Variants in UNC13C observed in about 807,000 individuals in gnomAD.
UNC13C encodes the protein unc-13 homolog C, also known as protein unc-13 homolog C.
In UNC13C, 174 loss-of-function variants were observed where a neutral mutation model predicts 245.4. The ratio of observed to expected loss-of-function variants is 0.71; its 90% CI spans 0.63 to 0.80. The LOEUF (loss-of-function observed/expected upper bound fraction) is 0.80. Ranked by LOEUF, UNC13C falls within the 30% of genes least tolerant of loss-of-function variation. The pLI, the probability that UNC13C is intolerant of heterozygous loss-of-function variation, is 0.00. For missense variants in UNC13C, 2,829 were observed against 2,602.9 expected (o/e 1.09, Z -1.89); for synonymous variants, 992 against 895.1 (o/e 1.11, Z -1.93).
At chr15:53,935,646 T>A in the UNC13C span, among the ~76,000 whole-genome samples, 7 of 152,138 alleles carry the variant, frequency 4.6e-5, no homozygotes, top group African/African-American at 1.7e-4. Flanking sequence ...ACTGACTAGG[T>A]GGGCGACTCA....
intron 4 of UNC13C, among the ~76,000 whole-genome samples, chr15:54,170,311 TA>T (rs1252489350): frequency 6.6e-6 from 1 of 151,912 alleles, no homozygotes; most frequent in Non-Finnish European, 1.5e-5. Context: ...TACAGGGCAG[TA>T]AGGGGAAAAA....
chr15:54,257,939 G>T (rs750578182), intron 8 of UNC13C, among the ~76,000 whole-genome samples: 5 of 152,056 alleles, frequency 3.3e-5, no homozygotes, highest in Non-Finnish European at 7.4e-5. Context: ...TTTCATGGGG[G>T]CAAAAAGCAG....
intron 18 of UNC13C, among the ~76,000 whole-genome samples, chr15:54,413,028 A>C (rs1324032218): frequency 6.6e-6 from 1 of 152,174 alleles, no homozygotes; most frequent in Non-Finnish European, 1.5e-5. Flanking sequence ...TATTGAGATG[A>C]TCATAAAATT....
intron 2 of UNC13C, among the ~76,000 whole-genome samples, chr15:54,062,217 G>A (rs550986220): frequency 1.3e-5 from 2 of 151,964 alleles, no homozygotes; most frequent in South Asian, 4.2e-4. Context: ...TACTCGGGAG[G>A]CTAAGGCAGG....
intron 2 of UNC13C, among the ~76,000 whole-genome samples, chr15:54,017,563 T>A (rs1186882586): frequency 6.6e-6 from 1 of 152,054 alleles, no homozygotes; most frequent in Non-Finnish European, 1.5e-5. Flanking sequence ...TTAATGGCAG[T>A]TGGTTAATGT....
chr15:54,064,240 C>A (rs987857162), intron 2 of UNC13C, among the ~76,000 whole-genome samples: 1 of 152,174 alleles, frequency 6.6e-6, no homozygotes, highest in Non-Finnish European at 1.5e-5. Context: ...ACAGAGAGAT[C>A]TATGGCTCCA....
chr15:54,077,058 G>T (rs1389317211), intron 2 of UNC13C, among the ~76,000 whole-genome samples: 1 of 152,152 alleles, frequency 6.6e-6, no homozygotes, highest in Non-Finnish European at 1.5e-5. Context: ...TGGTTAAACT[G>T]AGTCTTGGGT....
At chr15:53,878,686 A>G in the UNC13C span, among the ~76,000 whole-genome samples, 2 of 152,210 alleles carry the variant, frequency 1.3e-5, no homozygotes, top group Admixed American at 1.3e-4. Context: ...CCTTAAAAAA[A>G]AAGAAAAAGA....
intron 2 of UNC13C, chr15:54,050,623 C>A (rs1397616336): frequency 6.8e-6 from 3 of 439,398 alleles, no homozygotes; most frequent in Non-Finnish European, 1.3e-5. Context: ...AATTTATCAT[C>A]AGAACTTATG....
At chr15:54,207,073 A>C (rs1054174878) in intron 4 of UNC13C, among the ~76,000 whole-genome samples, 2 of 152,020 alleles carry the variant, frequency 1.3e-5, no homozygotes, top group Non-Finnish European at 2.9e-5. Flanking sequence ...CATGCAATGC[A>C]TTGTACCAAG....
intron 17 of UNC13C, among the ~76,000 whole-genome samples, chr15:54,366,492 A>G (rs1264839042): frequency 6.6e-6 from 1 of 152,190 alleles, no homozygotes; most frequent in Non-Finnish European, 1.5e-5. Flanking sequence ...ATACACACAC[A>G]TACATCCATC....
intron 19 of UNC13C, among the ~76,000 whole-genome samples, chr15:54,454,466 G>C (rs12912401): frequency 0.4 from 60,012 of 151,202 alleles, 12,167 homozygotes; most frequent in East Asian, 0.62. Flanking sequence ...TAATCCCAAG[G>C]TCTCAGGAGG....
intron 4 of UNC13C, among the ~76,000 whole-genome samples, chr15:54,160,891 G>T (rs1014457207): frequency 6.6e-5 from 10 of 152,048 alleles, no homozygotes; most frequent in African/African-American, 2.4e-4. Context: ...TTATGATAAA[G>T]CTATTTTAAT....
chr15:54,064,677 A>G (rs1416596560), intron 2 of UNC13C, among the ~76,000 whole-genome samples: 4 of 152,180 alleles, frequency 2.6e-5, no homozygotes, highest in Non-Finnish European at 5.9e-5. Context: ...TTTGCACTCA[A>G]TCTATCAGCA....
At chr15:54,315,252 T>G (rs1337242603) in intron 13 of UNC13C, among the ~76,000 whole-genome samples, 1 of 151,770 alleles carries the variant, frequency 6.6e-6, no homozygotes, top group African/African-American at 2.4e-5. Context: ...CCCTGGTACC[T>G]CTTCACTTTC....
At chr15:54,397,750 A>T (rs1216039612) in intron 18 of UNC13C, among the ~76,000 whole-genome samples, 2 of 151,300 alleles carry the variant, frequency 1.3e-5, no homozygotes, top group Non-Finnish European at 1.5e-5. Flanking sequence ...AAGTATTTTT[A>T]TTACTATCTT....
At chr15:54,212,363 G>T (rs111777497) in intron 4 of UNC13C, among the ~76,000 whole-genome samples, 5 of 152,170 alleles carry the variant, frequency 3.3e-5, no homozygotes, top group African/African-American at 1.2e-4. Context: ...CTGATTTTAA[G>T]TGACTCTACT....
chr15:54,023,575 A>C (rs61290183), intron 2 of UNC13C, among the ~76,000 whole-genome samples: 2,276 of 152,310 alleles, frequency 0.015, 64 homozygotes, highest in African/African-American at 0.052. Flanking sequence ...TTAGTTTTTG[A>C]GAATTACAAA....
chr15:53,853,839 T>C, the UNC13C span, among the ~76,000 whole-genome samples: 3 of 152,052 alleles, frequency 2.0e-5, no homozygotes, highest in East Asian at 5.8e-4. Context: ...TTTAATGGGG[T>C]TGTTTGTTTT....
Sources: allele counts gnomAD v4.1 joint callset (sites outside exome capture counted in the v4.1 genomes callset), GRCh38; gene constraint gnomAD v4.1.1; transcripts MANE v1.5; gene names NCBI Gene and HGNC (gene_info 2026-07-23, HGNC 2026-07-21).